GALNT14: variants seen among roughly 807,000 people sequenced by gnomAD.
GALNT14 encodes polypeptide N-acetylgalactosaminyltransferase 14.
GALNT14 carries 60 observed loss-of-function variants against 77.5 expected under a neutral mutation model. That is an observed-to-expected ratio of 0.77 (90% CI 0.63 to 0.96). GALNT14 has a LOEUF of 0.96. Ranked by LOEUF, GALNT14 falls within the 40% of genes least tolerant of loss-of-function variation. GALNT14 has a pLI of 0.00. For missense variants in GALNT14, 710 were observed against 731.0 expected (o/e 0.97, Z 0.33); for synonymous variants, 280 against 281.7 (o/e 0.99, Z 0.06).
intron 1 of GALNT14, among the ~76,000 whole-genome samples, chr2:31,052,134 T>C (rs1393247943): frequency 6.6e-6 from 1 of 152,100 alleles, no homozygotes; most frequent in Non-Finnish European, 1.5e-5. Flanking sequence ...TTCACCTGAA[T>C]GTCCTTGGCA....
chr2:30,904,449 G>T, the GALNT14 span, among the ~76,000 whole-genome samples: 1 of 152,182 alleles, frequency 6.6e-6, no homozygotes, highest in African/African-American at 2.4e-5. Flanking sequence ...AAGGGGTGAC[G>T]GACGGCACCT....
At chr2:30,908,636 A>T (rs2148188935), downstream of GALNT14, among the ~76,000 whole-genome samples, 2 of 122,280 alleles carry the variant, frequency 1.6e-5, no homozygotes, top group South Asian at 6.5e-4. Flanking sequence ...ATACTGCCCA[A>T]GGTAATTTAC....
intron 6 of GALNT14, among the ~76,000 whole-genome samples, chr2:30,954,399 T>G (rs1667230605): frequency 6.6e-6 from 1 of 152,242 alleles, no homozygotes; most frequent in Non-Finnish European, 1.5e-5. Context: ...TCACTCTTGT[T>G]GCCTCAGCTG....
At chr2:31,069,541 G>A (rs984076238) in intron 1 of GALNT14, among the ~76,000 whole-genome samples, 2 of 152,148 alleles carry the variant, frequency 1.3e-5, no homozygotes, top group African/African-American at 4.8e-5. Context: ...ACTTTACCCA[G>A]GGATGGGCAG....
At chr2:31,053,603 C>T (rs1674029980) in intron 1 of GALNT14, among the ~76,000 whole-genome samples, 2 of 152,258 alleles carry the variant, frequency 1.3e-5, no homozygotes, top group South Asian at 4.1e-4. Flanking sequence ...CACCACTTCC[C>T]CTGAGGCATC....
intron 3 of GALNT14, among the ~76,000 whole-genome samples, chr2:30,960,537 G>C (rs988118948): frequency 6.6e-6 from 1 of 152,118 alleles, no homozygotes; most frequent in African/African-American, 2.4e-5. Context: ...AGACCATTTC[G>C]TGGTAACACC....
intron 1 of GALNT14, among the ~76,000 whole-genome samples, chr2:31,106,289 C>G (rs1031935981): frequency 1.3e-5 from 2 of 152,176 alleles, no homozygotes; most frequent in African/African-American, 4.8e-5. Context: ...TTCTGTGTGT[C>G]TATTTTTTAT....
chr2:31,043,066 C>T (rs573525855), intron 1 of GALNT14, among the ~76,000 whole-genome samples: 3 of 152,260 alleles, frequency 2.0e-5, no homozygotes, highest in African/African-American at 7.2e-5. Context: ...CAGCACACTC[C>T]ACTTTGGCTA....
chr2:31,034,079 CA>C (rs1672570578), intron 1 of GALNT14, among the ~76,000 whole-genome samples: 1 of 152,188 alleles, frequency 6.6e-6, no homozygotes, highest in African/African-American at 2.4e-5. Context: ...TGCCTAAGAA[CA>C]AATGGCAGAA....
chr2:30,904,293 A>C, the GALNT14 span, among the ~76,000 whole-genome samples: 1 of 152,174 alleles, frequency 6.6e-6, no homozygotes, highest in African/African-American at 2.4e-5. Flanking sequence ...TTTCCATCTG[A>C]GGTACGGGGT....
intron 13 of GALNT14, among the ~76,000 whole-genome samples, chr2:30,914,908 C>A (rs1253931745): frequency 6.6e-6 from 1 of 152,040 alleles, no homozygotes; most frequent in African/African-American, 2.4e-5. Context: ...GAGAGAAGGG[C>A]CAAAAGGTCA....
chr2:31,068,146 C>A (rs1296677717), intron 1 of GALNT14, among the ~76,000 whole-genome samples: 1 of 152,096 alleles, frequency 6.6e-6, no homozygotes. Context: ...ACCAGCAGAC[C>A]CCTATGTTCC....
chr2:31,057,128 C>T (rs1674260429), intron 1 of GALNT14, among the ~76,000 whole-genome samples: 1 of 151,730 alleles, frequency 6.6e-6, no homozygotes, highest in South Asian at 2.1e-4. Flanking sequence ...GGGACTACTA[C>T]TAGACAGGAG....
intron 1 of GALNT14, among the ~76,000 whole-genome samples, chr2:31,014,999 C>A (rs1355838615): frequency 6.6e-6 from 1 of 152,082 alleles, no homozygotes; most frequent in East Asian, 1.9e-4. Flanking sequence ...TTTAAAGAGG[C>A]AGGAGCTTGG....
rs776493492 is a variant in GALNT14, at chr2:30,910,893, AG to A, written c.*7del. The A allele has an allele frequency of 6.2e-7, 1 of 1,613,300 alleles. No individual in the cohort carries two copies. Among genetic ancestry groups the A allele is most frequent in the African/African-American group, 1.3e-5 (1 of 74,956 alleles). ...CCCCATGGCCCTTGCTGCTTCTGGC[AG>A]GGGTCCTCAAGAGCTCACCATGTCC... is the stretch of plus-strand genomic sequence containing the variant. On this transcript the variant is annotated 3_prime_UTR_variant, in exon 15 of 15. Transcript: ENST00000349752.
Position 31,103,420 on chromosome 2 carries a change from A to G in GALNT14, c.129+34538T>C, listed in dbSNP as rs1018796441. Among the ~76,000 whole-genome samples the G allele has an allele frequency of 2.0e-5, 3 of 152,170 alleles. No homozygotes were observed. In the South Asian group the frequency reaches 6.2e-4, roughly 32 times the overall value. On this transcript the variant is annotated intron_variant, in intron 1 of 14. Coordinates refer to ENST00000349752, the MANE Select transcript of GALNT14 (RefSeq NM_024572.4). ...GGGGTGGAGAGAGAAAGAGACGTACATCCTGACAGCCAGTTGTGAAAGTGC... is the reference window on the plus strand; with the variant it reads ...GGGGTGGAGAGAGAAAGAGACGTACGTCCTGACAGCCAGTTGTGAAAGTGC...
At chr2:31,040,976 A>G (rs142454545) in intron 1 of GALNT14, among the ~76,000 whole-genome samples, 1 of 152,352 alleles carries the variant, frequency 6.6e-6, no homozygotes, top group Non-Finnish European at 1.5e-5. Context: ...TTGAACACAC[A>G]AGGGCTAATG....
At chr2:31,007,580 C>T (rs924949275) in intron 1 of GALNT14, among the ~76,000 whole-genome samples, 3 of 152,284 alleles carry the variant, frequency 2.0e-5, no homozygotes, top group African/African-American at 7.2e-5. Flanking sequence ...AACTTCTTTA[C>T]ATCCACAGTG....
At chr2:31,116,761 T>A (rs563364348) in intron 1 of GALNT14, among the ~76,000 whole-genome samples, 2,215 of 152,194 alleles carry the variant, frequency 0.015, 50 homozygotes, top group African/African-American at 0.051. Context: ...TAAAGAATAT[T>A]TGGCCAGGCG....
Sources: gnomAD v4.1 joint callset for allele counts (sites outside exome capture counted in the v4.1 genomes callset) on GRCh38, gnomAD v4.1.1 for gene constraint, MANE v1.5 for transcripts, NCBI Gene and HGNC (gene_info 2026-07-23, HGNC 2026-07-21) for gene names.